The following CDC7 variants were observed in gnomAD, a reference collection of about 807,000 sequenced individuals.
CDC7 encodes cell division cycle 7.
CDC7 carries 34 observed loss-of-function variants against 53.5 expected under a neutral mutation model. The observed-to-expected ratio is 0.64, with a 90% confidence interval of 0.48 to 0.85. CDC7 has a LOEUF of 0.85. Among genes scored for constraint, CDC7 ranks in the 40% least tolerant of loss-of-function variants. CDC7 has a pLI of 0.00. For synonymous variants in CDC7, 211 were observed against 222.8 expected (o/e 0.95, Z 0.47); for missense variants, 594 against 679.7 (o/e 0.87, Z 1.40).
rs13447506 is a variant in CDC7, at chr1:91,512,074, T to A, written c.572+151T>A. The A allele has an allele frequency of 2.4e-3, 1,480 of 624,456 alleles. 17 individuals are homozygous for A. Among genetic ancestry groups the A allele is most frequent in the African/African-American group, 0.024 (1,285 of 54,362 alleles). 38.7% of individuals were successfully genotyped at this position (624,456 alleles called of 1,614,324 possible). On this transcript the variant is annotated intron_variant, in intron 6 of 11. Transcript: ENST00000234626. The stretch of plus-strand genomic sequence containing the variant: ...ATTTATCTCAGTTACCCATCTTATT[T>A]TTGTTTTTACGGCAAGAGCAGCTAA...
At position 91,524,632 on chromosome 1, in the gene CDC7, ATCT is replaced by A. The variant is rs1311293988; in HGVS notation, c.*202_*204del. On this transcript the variant is annotated 3_prime_UTR_variant, in exon 12 of 12. Coordinates refer to ENST00000234626, the MANE Select transcript of CDC7 (RefSeq NM_003503.4). The stretch of plus-strand genomic sequence containing the variant: ...GATAGTTCTTGGGACTAACAACATG[ATCT>A]TCTTTGAGTTAAACCTACCTAAGTA... 3.5e-5 allele frequency: 18 copies of A among 518,012 alleles called. No individual in the cohort carries two copies. In the South Asian group the frequency reaches 4.4e-4, roughly 13 times the overall value. 32.1% of individuals were successfully genotyped at this position (518,012 alleles called of 1,614,324 possible).
intron 7 of CDC7, 82 bp downstream of exon 7, chr1:91,513,389 G>A: frequency 3.9e-6 from 5 of 1,283,548 alleles, no homozygotes; most frequent in Non-Finnish European, 5.4e-6. Flanking sequence ...TAGAATACTA[G>A]GATAGTACTT....
At chr1:91,518,093 CAAAAAAA>C (rs55787737) in intron 10 of CDC7, among the ~76,000 whole-genome samples, 4 of 46,028 alleles carry the variant, frequency 8.7e-5, no homozygotes, top group Admixed American at 4.1e-4. Flanking sequence ...GACTCAGTCT[CAAAAAAA>C]AAAAAAAAAA....
intron 1 of CDC7, 120 bp from the exon 2 acceptor site, chr1:91,501,534 T>C (rs1666676274): frequency 3.3e-6 from 2 of 613,408 alleles, no homozygotes; most frequent in South Asian, 2.0e-5. Context: ...TATGCCCTAC[T>C]GTGGAGGTTT....
chr1:91,525,225 AG>A lies in CDC7; in HGVS notation c.*792del, dbSNP rs771608428. 5.9e-5 allele frequency: 9 copies of A among 152,172 alleles called. No individual in the cohort carries two copies. Among genetic ancestry groups the A allele is most frequent in the Non-Finnish European group, 1.5e-5 (1 of 67,986 alleles). 9.4% of individuals were successfully genotyped at this position (152,172 alleles called of 1,614,324 possible). ...TTGATAAAGGGAAGCTGCAGGACCA[AG>A]GTGAAGATTGATAGTCCAAATGCTT... On this transcript the variant is annotated 3_prime_UTR_variant, in exon 12 of 12. Transcript: ENST00000234626.
At chr1:91,509,069 C>T (rs1486381093) in intron 4 of CDC7, among the ~76,000 whole-genome samples, 1 of 152,132 alleles carries the variant, frequency 6.6e-6, no homozygotes, top group African/African-American at 2.4e-5. Flanking sequence ...TGTCCTGCCA[C>T]ACCCTCCTTG....
chr1:91,519,943 CTT>C (rs1172758178), intron 10 of CDC7, among the ~76,000 whole-genome samples, 185 bp from the exon 11 acceptor site: 4 of 152,132 alleles, frequency 2.6e-5, no homozygotes, highest in Non-Finnish European at 5.9e-5. Flanking sequence ...ACCTGAGGAA[CTT>C]TTTTAAAACA....
At chr1:91,514,399 C>G (rs1200568155) in intron 8 of CDC7, among the ~76,000 whole-genome samples, 1 of 152,164 alleles carries the variant, frequency 6.6e-6, no homozygotes, top group African/African-American at 2.4e-5. Flanking sequence ...ACAAAATCAT[C>G]ATCAATGTAG....
In CDC7 at chr1:91,520,059, TGAG is replaced by T. The variant is rs3038273; in HGVS notation, c.1181-68_1181-66del. The stretch of plus-strand genomic sequence containing the variant: ...GGTGATTCTAATGCATAATAAATGT[TGAG>T]GACTATTGATTTAGATGATAAAATT... On this transcript the variant is annotated intron_variant, in intron 10 of 11. Coordinates refer to ENST00000234626, the MANE Select transcript of CDC7 (RefSeq NM_003503.4). 1,122 of 1,234,034 alleles carry T rather than the reference TGAG, an allele frequency of 9.1e-4. 5 individuals carry two copies. The African/African-American group carries it at 0.016, about 17-fold the overall frequency. 76.4% of individuals were successfully genotyped at this position (1,234,034 alleles called of 1,614,324 possible). A position where few individuals can be genotyped will look rare whatever the true frequency, so the allele number is the denominator to read the frequency against.
intron 10 of CDC7, among the ~76,000 whole-genome samples, chr1:91,517,321 G>T (rs535779371): frequency 6.6e-6 from 1 of 152,080 alleles, no homozygotes; most frequent in African/African-American, 2.4e-5. Context: ...TGTGAATGAG[G>T]GTATTGGTAA....
rs998724382 is a variant in CDC7 at position 91,509,945 on chromosome 1, A to G, written c.335+1548A>G. 9.2e-5 allele frequency among the ~76,000 whole-genome samples: 14 copies of G among 152,316 alleles called. No individual in the cohort carries two copies. The Middle Eastern group carries it at 0.01, about 111-fold the overall frequency. ...TCATCTTCTGATCTGAGCAAGAGTG[A>G]AACTGGACGCAGTAGTTCATGCTTG... On this transcript the variant is annotated intron_variant, in intron 4 of 11. Coordinates refer to ENST00000234626, the MANE Select transcript of CDC7 (RefSeq NM_003503.4).
At chr1:91,504,105 CTTT>C (rs1216657728) in intron 2 of CDC7, among the ~76,000 whole-genome samples, 6 of 135,020 alleles carry the variant, frequency 4.4e-5, no homozygotes, top group Admixed American at 1.5e-4. Context: ...TTTTGGCAAG[CTTT>C]TTTTTTTTTT....
intron 2 of CDC7, 96 bp from the exon 3 acceptor site, chr1:91,507,756 CAT>C (rs968664362): frequency 2.7e-5 from 21 of 789,840 alleles, no homozygotes; most frequent in African/African-American, 1.8e-4. Flanking sequence ...ATTAATTACT[CAT>C]ATTTTATAAT....
At chr1:91,506,824 C>T (rs930704188) in intron 2 of CDC7, among the ~76,000 whole-genome samples, 11 of 152,032 alleles carry the variant, frequency 7.2e-5, no homozygotes, top group Non-Finnish European at 1.5e-4. Context: ...GTGTTGCGTG[C>T]CTGTAATTCC....
At chr1:91,509,397 CA>C (rs1272253416) in intron 4 of CDC7, among the ~76,000 whole-genome samples, 1 of 147,750 alleles carries the variant, frequency 6.8e-6, no homozygotes, top group African/African-American at 2.5e-5. Context: ...AACACCACAA[CA>C]AATGTTCTTA....
chr1:91,504,694 G>A (rs1571312499), intron 2 of CDC7, among the ~76,000 whole-genome samples: 2 of 152,096 alleles, frequency 1.3e-5, no homozygotes, highest in East Asian at 1.9e-4. Context: ...TCACTCAAGA[G>A]TGTCCCAGTT....
chr1:91,513,358 C>T (rs187809879), intron 7 of CDC7, 51 bp downstream of exon 7: 3 of 1,533,546 alleles, frequency 2.0e-6, no homozygotes, highest in South Asian at 2.3e-5. Flanking sequence ...GAAATATACT[C>T]CTTCAACCAA....
chr1:91,520,991 C>T (rs1667911653), intron 11 of CDC7, among the ~76,000 whole-genome samples: 2 of 152,130 alleles, frequency 1.3e-5, no homozygotes, highest in Admixed American at 6.5e-5. Flanking sequence ...CTCAAGTGCC[C>T]ATTTAATGTT....
At chr1:91,524,018 GT>G (rs1668132556) in intron 11 of CDC7, 22 bp from the exon 12 acceptor site, 1 of 1,553,074 alleles carries the variant, frequency 6.4e-7, no homozygotes, top group Non-Finnish European at 8.7e-7. Flanking sequence ...TTCTGTTTTT[GT>G]TTTTTCTTCT....
Sources: allele counts gnomAD v4.1 joint callset (sites outside exome capture counted in the v4.1 genomes callset), GRCh38; gene constraint gnomAD v4.1.1; transcripts MANE v1.5; gene names NCBI Gene and HGNC (gene_info 2026-07-23, HGNC 2026-07-21).